The following HSPA4 variants were observed in gnomAD, a reference collection of about 807,000 sequenced individuals.
HSPA4 encodes heat shock 70 kDa protein 4.
Under a neutral mutation model 106.2 loss-of-function variants are expected in HSPA4, and 25 were observed. That is an observed-to-expected ratio of 0.24 (90% CI 0.17 to 0.33). The LOEUF (loss-of-function observed/expected upper bound fraction) is 0.33, where lower values mean the gene tolerates loss of function less well. Among genes scored for constraint, HSPA4 ranks in the 10% least tolerant of loss-of-function variants. The pLI, the probability that HSPA4 is intolerant of heterozygous loss-of-function variation, is 1.00. For synonymous variants in HSPA4, 332 were observed against 333.6 expected (o/e 1.00, Z 0.05); for missense variants, 841 against 996.0 (o/e 0.84, Z 2.10).
In HSPA4 at chr5:133,091,362, A is replaced by G. The variant is rs372248453; in HGVS notation, c.1548A>G (p.Ala516=). ...NEEPMETDQN[A]KEEEKMQVDQ... The stretch of plus-strand genomic sequence containing the variant: ...AGCCAATGGAAACAGATCAGAATGC[A>G]AAGGAGGAAGAGGTAATCTAGACAT... The change falls in exon 12 of 19, where the codon GCA becomes GCG. Residue 516 remains alanine (A), a synonymous_variant. Coordinates refer to ENST00000304858, the MANE Select transcript of HSPA4 (RefSeq NM_002154.4). The G allele has an allele frequency of 1.9e-5, 31 of 1,613,074 alleles. No homozygotes were observed. The South Asian group carries it at 3.4e-4, about 18-fold the overall frequency.
Position 133,104,529 on chromosome 5 carries a change from G to A in HSPA4, c.*93G>A. ...TCAACTAGCGCAAGTGAATACTGAAGATTTCTTAGTCAGTTTTTAGGGGAT... is the reference window on the plus strand; with the variant it reads ...TCAACTAGCGCAAGTGAATACTGAAAATTTCTTAGTCAGTTTTTAGGGGAT... On this transcript the variant is annotated 3_prime_UTR_variant, in exon 19 of 19. Coordinates refer to ENST00000304858, the MANE Select transcript of HSPA4 (RefSeq NM_002154.4). 1 of 1,161,258 alleles carries A rather than the reference G, an allele frequency of 8.6e-7. No homozygotes were observed. Among genetic ancestry groups the A allele is most frequent in the South Asian group, 1.4e-5 (1 of 70,450 alleles). 71.9% of individuals were successfully genotyped at this position (1,161,258 alleles called of 1,614,324 possible). A position where few individuals can be genotyped will look rare whatever the true frequency, so the allele number is the denominator to read the frequency against.
chr5:133,057,986 T>C (rs968052241), intron 1 of HSPA4, among the ~76,000 whole-genome samples: 46 of 152,302 alleles, frequency 3.0e-4, no homozygotes, highest in Non-Finnish European at 1.0e-4. Context: ...AAAGGAGATG[T>C]AAGCAGTGGA....
chr5:133,090,465 T>G (rs184700235), intron 11 of HSPA4, among the ~76,000 whole-genome samples: 14 of 141,844 alleles, frequency 9.9e-5, no homozygotes, highest in African/African-American at 3.7e-4. Flanking sequence ...AGGATGTATA[T>G]AGAAAATCAT....
At chr5:133,102,027 A>T in intron 17 of HSPA4, 149 bp downstream of exon 17, 1 of 524,934 alleles carries the variant, frequency 1.9e-6, no homozygotes. Flanking sequence ...CCTGGGTTTA[A>T]GCAATTCTCC....
chr5:133,073,337 G>A lies in HSPA4; in HGVS notation c.529+8G>A, dbSNP rs930751154. 3.9e-6 allele frequency: 6 copies of A among 1,550,964 alleles called. No individual in the cohort carries two copies. The highest frequency in any genetic ancestry group is 5.3e-6 in the Non-Finnish European group (6 of 1,128,330). ...TGAATGAAACCACTGCAGGTAAGGA[G>A]GACCGTTGATTATTTTTTTGACTTG... On this transcript the variant is annotated splice_region_variant and intron_variant, in intron 5 of 18. Coordinates refer to ENST00000304858, the MANE Select transcript of HSPA4 (RefSeq NM_002154.4).
chr5:133,104,560 G>C lies in HSPA4; in HGVS notation c.*124G>C. On this transcript the variant is annotated 3_prime_UTR_variant, in exon 19 of 19. Coordinates refer to ENST00000304858, the MANE Select transcript of HSPA4 (RefSeq NM_002154.4). The stretch of plus-strand genomic sequence containing the variant: ...TTAGTCAGTTTTTAGGGGATTTTCG[G>C]GGAGGGGAAATAGGTAATGTATGGA... The C allele has an allele frequency of 1.2e-6, 1 of 823,648 alleles. No homozygotes were observed. The highest frequency in any genetic ancestry group is 1.9e-6 in the Non-Finnish European group (1 of 522,150). 51.0% of individuals were successfully genotyped at this position (823,648 alleles called of 1,614,324 possible).
At chr5:133,071,903 C>G (rs1157552211) in intron 4 of HSPA4, among the ~76,000 whole-genome samples, 1 of 152,176 alleles carries the variant, frequency 6.6e-6, no homozygotes, top group East Asian at 1.9e-4. Flanking sequence ...TCCCCAGTGG[C>G]TGATACACCA....
intron 17 of HSPA4, among the ~76,000 whole-genome samples, chr5:133,103,408 G>A (rs958207403): frequency 2.7e-5 from 4 of 150,374 alleles, no homozygotes; most frequent in Non-Finnish European, 4.4e-5. Context: ...TCGCTCTGTT[G>A]CCCAGGCTGG....
chr5:133,074,238 CAGGGTTA>C (rs1765420224), intron 6 of HSPA4, 112 bp downstream of exon 6: 2 of 546,856 alleles, frequency 3.7e-6, no homozygotes, highest in Non-Finnish European at 6.2e-6. Context: ...GCATACCTTA[CAGGGTTA>C]TTCAGAGGAT....
intron 1 of HSPA4, among the ~76,000 whole-genome samples, chr5:133,060,535 G>C (rs1476888494): frequency 6.6e-6 from 1 of 151,918 alleles, no homozygotes; most frequent in Non-Finnish European, 1.5e-5. Flanking sequence ...GCTAATTTTT[G>C]TATTTTTAGT....
intron 1 of HSPA4, among the ~76,000 whole-genome samples, chr5:133,056,639 C>A (rs1312047805): frequency 6.6e-6 from 1 of 152,172 alleles, no homozygotes; most frequent in Non-Finnish European, 1.5e-5. Flanking sequence ...TTTGCTGTTA[C>A]AAATAGTTCT....
chr5:133,101,464 T>C (rs1765784070), intron 16 of HSPA4: 1 of 208,740 alleles, frequency 4.8e-6, no homozygotes, highest in Non-Finnish European at 9.6e-6. Context: ...TTGGCAAGTA[T>C]ACTTTATATT....
chr5:133,060,638 A>G (rs1327410094), intron 1 of HSPA4, among the ~76,000 whole-genome samples: 1 of 152,168 alleles, frequency 6.6e-6, no homozygotes, highest in African/African-American at 2.4e-5. Context: ...TTGGGATTAC[A>G]GGCCTGAGCC....
intron 8 of HSPA4, 116 bp from the exon 9 acceptor site, chr5:133,088,288 G>A (rs938515330): frequency 4.4e-6 from 3 of 686,414 alleles, no homozygotes; most frequent in Non-Finnish European, 5.1e-6. Flanking sequence ...TGTGTGTTGC[G>A]GAGGTGGGTG....
At chr5:133,082,982 A>G (rs1765532712) in intron 7 of HSPA4, among the ~76,000 whole-genome samples, 1 of 151,692 alleles carries the variant, frequency 6.6e-6, no homozygotes, top group Admixed American at 6.6e-5. Flanking sequence ...TAAAAATACA[A>G]AAATTAGCCG....
intron 11 of HSPA4, among the ~76,000 whole-genome samples, chr5:133,090,218 A>C (rs1460496609): frequency 6.6e-6 from 1 of 151,882 alleles, no homozygotes; most frequent in Non-Finnish European, 1.5e-5. Flanking sequence ...GCAGGTCAGG[A>C]GATCGAGACC....
chr5:133,084,303 T>G (rs1286860612), intron 7 of HSPA4, among the ~76,000 whole-genome samples: 1 of 152,232 alleles, frequency 6.6e-6, no homozygotes, highest in African/African-American at 2.4e-5. Context: ...ACTGTGCCAT[T>G]GTAGGTTTGT....
chr5:133,103,974 G>A lies in HSPA4; in HGVS notation c.2267G>A (p.Ser756Asn). The A allele has an allele frequency of 6.2e-7, 1 of 1,613,938 alleles. No individual in the cohort carries two copies. Among genetic ancestry groups the A allele is most frequent in the Non-Finnish European group, 8.5e-7 (1 of 1,179,936 alleles). Reference protein sequence around the residue: ...NNKLNLQNKQSLTMDPVVKSK... With the variant: ...NNKLNLQNKQNLTMDPVVKSK... ...AAGCTAAATCTGCAGAACAAGCAGAGTTTGACCATGGATCCAGTTGTCAAG... is the reference window on the plus strand; with the variant it reads ...AAGCTAAATCTGCAGAACAAGCAGAATTTGACCATGGATCCAGTTGTCAAG... The change falls in exon 18 of 19, where the codon AGT becomes AAT. Residue 756 changes from serine (S) to asparagine (N), a missense_variant. Ser to Asn is a conservative substitution (Grantham distance 46, BLOSUM62 1). Coordinates refer to ENST00000304858, the MANE Select transcript of HSPA4 (RefSeq NM_002154.4).
chr5:133,054,396 G>A (rs528349864), intron 1 of HSPA4, among the ~76,000 whole-genome samples: 1 of 152,154 alleles, frequency 6.6e-6, no homozygotes, highest in Admixed American at 6.5e-5. Flanking sequence ...TAGAGACAGG[G>A]TTTCACCATG....
Sources: allele counts gnomAD v4.1 joint callset (sites outside exome capture counted in the v4.1 genomes callset), GRCh38; gene constraint gnomAD v4.1.1; transcripts MANE v1.5; gene names NCBI Gene and HGNC (gene_info 2026-07-23, HGNC 2026-07-21).